The following PHF24 variants were observed in gnomAD, a reference collection of about 807,000 sequenced individuals.
PHF24 encodes the protein PHD finger protein 24.
Under a neutral mutation model 42.6 loss-of-function variants are expected in PHF24, and 25 were observed. The ratio of observed to expected loss-of-function variants is 0.59; its 90% CI spans 0.43 to 0.82. PHF24 has a LOEUF of 0.82. PHF24 is among the 40% of genes least tolerant of loss of function. The pLI is 0.00. For missense variants in PHF24, 470 were observed against 538.1 expected, an observed-to-expected ratio of 0.87 and a Z score of 1.25; for synonymous variants, 185 against 204.8, an observed-to-expected ratio of 0.90 and a Z score of 0.83.
At chr9:34,719,285 C>A in the PHF24 span, among the ~76,000 whole-genome samples, 12 of 152,048 alleles carry the variant, frequency 7.9e-5, no homozygotes, top group African/African-American at 2.9e-4. Context: ...GTGATCCACC[C>A]GCCTCGGCCT....
the PHF24 span, among the ~76,000 whole-genome samples, chr9:34,722,585 A>G: frequency 6.6e-6 from 1 of 152,204 alleles, no homozygotes; most frequent in African/African-American, 2.4e-5. Context: ...TGTTTTGCAT[A>G]GTTCTTGGCA....
chr9:34,732,165 G>T, the PHF24 span, among the ~76,000 whole-genome samples: 2 of 150,888 alleles, frequency 1.3e-5, no homozygotes, highest in South Asian at 2.1e-4. Context: ...TAGTTTTTTT[G>T]GGGAACCTCC....
the PHF24 span, among the ~76,000 whole-genome samples, chr9:34,858,216 T>C: frequency 3.3e-5 from 5 of 152,206 alleles, no homozygotes; most frequent in Non-Finnish European, 7.3e-5. Context: ...GGCCATGCAT[T>C]GGTATCTGTA....
chr9:34,926,736 T>G, the PHF24 span, among the ~76,000 whole-genome samples: 1 of 152,032 alleles, frequency 6.6e-6, no homozygotes, highest in East Asian at 1.9e-4. This position sits in a 1 kb window ranked among gnomAD's most constrained non-coding sequence, Gnocchi z 4.3. Context: ...TCGTGGCTGC[T>G]CAGTTGACCT....
the PHF24 span, among the ~76,000 whole-genome samples, chr9:34,903,268 T>C: frequency 6.6e-6 from 1 of 152,172 alleles, no homozygotes; most frequent in Non-Finnish European, 1.5e-5. Flanking sequence ...ACTATTCACA[T>C]ATCCAGTAGT....
At chr9:34,830,702 C>T in the PHF24 span, among the ~76,000 whole-genome samples, 2 of 152,126 alleles carry the variant, frequency 1.3e-5, no homozygotes, top group Non-Finnish European at 2.9e-5. Flanking sequence ...ACTCTAGGAA[C>T]ATCTTGGTAT....
chr9:34,821,242 C>A, the PHF24 span, among the ~76,000 whole-genome samples: 4 of 152,122 alleles, frequency 2.6e-5, no homozygotes, highest in East Asian at 7.7e-4. Context: ...ATATTCTTTG[C>A]TTCCTTTTTC....
chr9:34,832,403 C>A, the PHF24 span: 1 of 1,160,078 alleles, frequency 8.6e-7, no homozygotes, highest in Non-Finnish European at 1.2e-6. Context: ...TGGAGTGTAA[C>A]CGAAGCTTAT....
the PHF24 span, among the ~76,000 whole-genome samples, chr9:34,822,545 C>T: frequency 1.3e-5 from 2 of 152,186 alleles, no homozygotes; most frequent in South Asian, 2.1e-4. Context: ...AGTCATTTCT[C>T]ATTCCGTACT....
At chr9:34,697,610 G>A in the PHF24 span, among the ~76,000 whole-genome samples, 134 of 152,282 alleles carry the variant, frequency 8.8e-4, no homozygotes, top group Non-Finnish European at 1.5e-3. Flanking sequence ...CTGAGCCACC[G>A]CACCCAGCCT....
At chr9:34,903,874 C>A in the PHF24 span, among the ~76,000 whole-genome samples, 1 of 152,134 alleles carries the variant, frequency 6.6e-6, no homozygotes, top group Non-Finnish European at 1.5e-5. Context: ...TGTAGTTTTC[C>A]TTGCAGAAGA....
chr9:34,712,801 A>G, the PHF24 span, among the ~76,000 whole-genome samples: 1 of 152,188 alleles, frequency 6.6e-6, no homozygotes, highest in African/African-American at 2.4e-5. Context: ...AACAAGCAAC[A>G]AAGCAGTATT....
At chr9:34,718,026 C>G in the PHF24 span, among the ~76,000 whole-genome samples, 3 of 152,198 alleles carry the variant, frequency 2.0e-5, no homozygotes, top group Non-Finnish European at 4.4e-5. Flanking sequence ...TGGCCCCTTA[C>G]TGTATCTTCC....
chr9:34,778,981 CAT>C, the PHF24 span, among the ~76,000 whole-genome samples: 3,500 of 152,050 alleles, frequency 0.023, 138 homozygotes, highest in African/African-American at 0.08. Flanking sequence ...AATTCACAAA[CAT>C]GTAGATTAAA....
At chr9:34,930,068 C>T in the PHF24 span, among the ~76,000 whole-genome samples, 1 of 152,156 alleles carries the variant, frequency 6.6e-6, no homozygotes, top group Non-Finnish European at 1.5e-5. Flanking sequence ...TTCTCTTTTG[C>T]AAGTGAAATT....
the PHF24 span, among the ~76,000 whole-genome samples, chr9:34,775,549 G>T: frequency 6.6e-6 from 1 of 152,030 alleles, no homozygotes; most frequent in Admixed American, 6.6e-5. Flanking sequence ...TTTATGTTTT[G>T]TATATTTTAC....
At chr9:34,958,071 G>A (rs957103424), upstream of PHF24, among the ~76,000 whole-genome samples, 1 of 149,844 alleles carries the variant, frequency 6.7e-6, no homozygotes, top group Non-Finnish European at 1.5e-5. The surrounding 1 kb of genome is among the most constrained non-coding windows in gnomAD (Gnocchi z 4.5). Context: ...CGCGCCCGTC[G>A]CCGGTCACCC....
the PHF24 span, among the ~76,000 whole-genome samples, chr9:34,814,941 A>G: frequency 8.3e-4 from 127 of 152,160 alleles, no homozygotes; most frequent in Non-Finnish European, 1.0e-4. Context: ...GGGTTTCGCC[A>G]TGTTGGCCAG....
the PHF24 span, among the ~76,000 whole-genome samples, chr9:34,936,194 G>C: frequency 9.3e-4 from 141 of 152,254 alleles, no homozygotes; most frequent in East Asian, 3.9e-4. Flanking sequence ...TCAGCCTGCC[G>C]AGTGCCTGCC....
Sources: gnomAD v4.1 joint callset for allele counts (sites outside exome capture counted in the v4.1 genomes callset) on GRCh38, gnomAD v4.1.1 for gene constraint, Gnocchi (gnomAD v3.1) non-coding constraint, MANE v1.5 for transcripts, NCBI Gene and HGNC (gene_info 2026-07-23, HGNC 2026-07-21) for gene names.